ATP2A2: variants seen among roughly 807,000 people sequenced by gnomAD.
ATP2A2 encodes the protein ATPase sarcoplasmic/endoplasmic reticulum Ca2+ transporting 2, also known as sarcoplasmic/endoplasmic reticulum calcium ATPase 2.
ATP2A2 carries 14 observed loss-of-function variants against 109.3 expected under a neutral mutation model. That is an observed-to-expected ratio of 0.13 (90% CI 0.08 to 0.20). The LOEUF (loss-of-function observed/expected upper bound fraction) is 0.20. Among genes scored for constraint, ATP2A2 ranks in the 10% least tolerant of loss-of-function variants. The probability of loss-of-function intolerance (pLI) is 1.00; values close to 1 mark genes in which losing one functional copy is unlikely to be tolerated. For synonymous variants in ATP2A2, 506 were observed against 490.9 expected, an observed-to-expected ratio of 1.03 and a Z score of -0.41; for missense variants, 657 against 1,321.6, an observed-to-expected ratio of 0.50 and a Z score of 7.80.
intron 5 of ATP2A2, among the ~76,000 whole-genome samples, chr12:110,297,440 A>G (rs1047896474): frequency 3.3e-5 from 5 of 151,680 alleles, no homozygotes; most frequent in African/African-American, 1.2e-4. Context: ...ATCTCAAAAA[A>G]AAAAAAAAAA....
rs1879193776 is a variant in ATP2A2, at chr12:110,339,975, T to C, written c.1761+254T>C. ...AATAATCAAGATGAGCTTAAGCTTG[T>C]AAACCCCATTTTGCCTCTCATCTAA... On this transcript the variant is annotated intron_variant, in intron 13 of 19. Coordinates refer to ENST00000539276, the MANE Select transcript of ATP2A2 (RefSeq NM_170665.4). The surrounding 1 kb of genome is among the most constrained non-coding windows in gnomAD (Gnocchi z 4.4). 6.6e-6 allele frequency among the ~76,000 whole-genome samples: 1 copy of C among 152,238 alleles called. No individual in the cohort carries two copies. Among genetic ancestry groups the C allele is most frequent in the African/African-American group, 2.4e-5 (1 of 41,458 alleles).
intron 5 of ATP2A2, among the ~76,000 whole-genome samples, chr12:110,297,394 C>T (rs151283949): frequency 0.013 from 1,878 of 149,582 alleles, 44 homozygotes; most frequent in African/African-American, 0.044. Flanking sequence ...TGAGATCGCA[C>T]CACTGCACTC....
intron 3 of ATP2A2, 118 bp downstream of exon 3, chr12:110,282,913 TC>T: frequency 1.1e-6 from 1 of 908,974 alleles, no homozygotes; most frequent in South Asian, 1.5e-5. Context: ...AAGCTGTGTC[TC>T]TATGTTTAAA....
At chr12:110,331,261 T>C (rs1878311278) in intron 8 of ATP2A2, 1 of 152,120 alleles carries the variant, frequency 6.6e-6, no homozygotes, top group Non-Finnish European at 1.5e-5. Flanking sequence ...AAAAAGTTAT[T>C]TTAAAATAAA....
At chr12:110,324,935 G>A (rs1304489881) in intron 6 of ATP2A2, among the ~76,000 whole-genome samples, 1 of 150,828 alleles carries the variant, frequency 6.6e-6, no homozygotes, top group Non-Finnish European at 1.5e-5. Flanking sequence ...TCATGCCTCA[G>A]CCTCCCTAGT....
intron 5 of ATP2A2, among the ~76,000 whole-genome samples, chr12:110,299,094 T>A (rs1344357535): frequency 6.6e-6 from 1 of 151,988 alleles, no homozygotes; most frequent in Non-Finnish European, 1.5e-5. Context: ...CTCAGCCTCC[T>A]GAATAACTGG....
Position 110,346,352 on chromosome 12 carries a change from CCTG to C in ATP2A2, c.3014_3016del (p.Cys1005del). ...GAGTGTGTGCAGCCTGCCACCAAAT[CCTG>C]CTCGTTCTCGGCATGCACCGATGGG... On this transcript the variant is annotated inframe_deletion, in exon 20 of 20. Coordinates refer to ENST00000539276, the MANE Select transcript of ATP2A2 (RefSeq NM_170665.4). 1.2e-6 allele frequency: 2 copies of C among 1,614,120 alleles called. No individual in the cohort carries two copies. The highest frequency in any genetic ancestry group is 1.7e-6 in the Non-Finnish European group (2 of 1,179,990).
intron 5 of ATP2A2, 33 bp from the exon 6 acceptor site, chr12:110,322,959 T>C: frequency 4.0e-6 from 6 of 1,499,850 alleles, no homozygotes; most frequent in Non-Finnish European, 5.6e-6. Context: ...TAAAAGTTGC[T>C]CATTTCAGCC....
rs542068686 is a variant in ATP2A2 at position 110,339,262 on chromosome 12, A to G, written c.1420-19A>G. 4.5e-5 allele frequency: 73 copies of G among 1,613,734 alleles called. No individual in the cohort carries two copies. The highest frequency in any genetic ancestry group is 3.3e-4 in the Middle Eastern group (2 of 6,048). ...CAGAAATTGCCACCCAGTAGTATCC[A>G]TATTTGTTCCCTTTGTAGGTCATTA... On this transcript the variant is annotated intron_variant, in intron 11 of 19. Transcript: ENST00000539276. This position sits in a 1 kb window ranked among gnomAD's most constrained non-coding sequence, Gnocchi z 4.4.
At chr12:110,294,533 C>T (rs1592800781) in intron 4 of ATP2A2, among the ~76,000 whole-genome samples, 2 of 152,044 alleles carry the variant, frequency 1.3e-5, no homozygotes, top group Non-Finnish European at 2.9e-5. Flanking sequence ...TGGTAGCATG[C>T]GCCCCCAGCT....
chr12:110,291,000 C>T (rs1333564105), intron 3 of ATP2A2, among the ~76,000 whole-genome samples: 2 of 151,820 alleles, frequency 1.3e-5, no homozygotes, highest in Non-Finnish European at 2.9e-5. Context: ...CCTCTGCCTC[C>T]CGGGTTCAAG....
At position 110,350,070 on chromosome 12, in the gene ATP2A2, C is replaced by CAT; in HGVS notation, c.*3601_*3602insTA. 1 of 1,437,356 alleles carries CAT rather than the reference C, an allele frequency of 7.0e-7. No homozygotes were observed. Among genetic ancestry groups the CAT allele is most frequent in the Non-Finnish European group, 9.1e-7 (1 of 1,101,032 alleles). The allele number at this position is 1,437,356 out of a possible 1,614,324, so 89.0% of individuals were successfully genotyped here. On this transcript the variant is annotated 3_prime_UTR_variant, in exon 20 of 20. Transcript: ENST00000539276. ...GAGCCTTTATTCTGTAGCCAGACGA[C>CAT]ACGAGGAGTCTGTGTCACTGAGCCA... is the stretch of plus-strand genomic sequence containing the variant.
intron 11 of ATP2A2, among the ~76,000 whole-genome samples, chr12:110,337,248 G>A (rs1035433608): frequency 1.3e-5 from 2 of 152,190 alleles, no homozygotes; most frequent in African/African-American, 4.8e-5. Flanking sequence ...AGGAACCCAT[G>A]TGTAGTTTAG....
chr12:110,294,494 T>A (rs1873748958), intron 4 of ATP2A2, among the ~76,000 whole-genome samples: 1 of 152,016 alleles, frequency 6.6e-6, no homozygotes, highest in Non-Finnish European at 1.5e-5. Context: ...TCCCCGTCGC[T>A]ACTAAAAATA....
chr12:110,340,573 T>G lies in ATP2A2; in HGVS notation c.1762-86T>G. The G allele has an allele frequency of 5.1e-6, 7 of 1,362,094 alleles. No individual in the cohort carries two copies. The highest frequency in any genetic ancestry group is 7.2e-6 in the Non-Finnish European group (7 of 971,364). 84.4% of individuals were successfully genotyped at this position (1,362,094 alleles called of 1,614,324 possible). ...AAAAGAAAAAAAATGCAGAAACCTG[T>G]CTCAATGTTTAACTGGGCATTTTTC... On this transcript the variant is annotated intron_variant, in intron 13 of 19. Coordinates refer to ENST00000539276, the MANE Select transcript of ATP2A2 (RefSeq NM_170665.4). This position sits in a 1 kb window ranked among gnomAD's most constrained non-coding sequence, Gnocchi z 6.0.
At chr12:110,305,411 A>C (rs2137748243) in intron 5 of ATP2A2, among the ~76,000 whole-genome samples, 1 of 152,268 alleles carries the variant, frequency 6.6e-6, no homozygotes, top group South Asian at 2.1e-4. Context: ...CCTCTTTAAA[A>C]ACAGCAACAA....
chr12:110,283,566 C>G (rs1872368597), intron 3 of ATP2A2, among the ~76,000 whole-genome samples: 1 of 151,982 alleles, frequency 6.6e-6, no homozygotes, highest in Non-Finnish European at 1.5e-5. Flanking sequence ...TTTAAATGTT[C>G]GGTATTAATT....
chr12:110,314,552 T>C (rs767773737), intron 5 of ATP2A2, among the ~76,000 whole-genome samples: 30 of 152,186 alleles, frequency 2.0e-4, no homozygotes, highest in Non-Finnish European at 3.8e-4. Context: ...GGATGATTCA[T>C]TTAGTTCATG....
intron 5 of ATP2A2, among the ~76,000 whole-genome samples, chr12:110,304,242 A>G (rs1566211813): frequency 6.6e-6 from 1 of 152,228 alleles, no homozygotes; most frequent in Non-Finnish European, 1.5e-5. Context: ...TATAACTTGT[A>G]CATACATGCT....
Sources: gnomAD v4.1 joint callset for allele counts (sites outside exome capture counted in the v4.1 genomes callset) on GRCh38, gnomAD v4.1.1 for gene constraint, Gnocchi (gnomAD v3.1) non-coding constraint, MANE v1.5 for transcripts, NCBI Gene and HGNC (gene_info 2026-07-23, HGNC 2026-07-21) for gene names.